The following PPP3CA variants were observed in gnomAD, a reference collection of about 807,000 sequenced individuals.
The protein encoded by PPP3CA is protein phosphatase 3 catalytic subunit alpha.
PPP3CA carries 14 observed loss-of-function variants against 66.5 expected under a neutral mutation model. The ratio of observed to expected loss-of-function variants is 0.21; its 90% CI spans 0.14 to 0.33. The LOEUF is 0.33. PPP3CA is among the 10% of genes least tolerant of loss of function. PPP3CA has a pLI of 1.00. For synonymous variants in PPP3CA, 232 were observed against 226.2 expected, an observed-to-expected ratio of 1.03 and a Z score of -0.23; for missense variants, 317 against 639.5, an observed-to-expected ratio of 0.50 and a Z score of 5.44.
chr4:101,163,458 A>G (rs2695220), intron 2 of PPP3CA, among the ~76,000 whole-genome samples: 29,487 of 152,144 alleles, frequency 0.19, 3,182 homozygotes, highest in Non-Finnish European at 0.24. Flanking sequence ...AGAGATCACA[A>G]AAGCATGTAG....
intron 1 of PPP3CA, among the ~76,000 whole-genome samples, chr4:101,294,551 G>A (rs1009306092): frequency 1.6e-5 from 2 of 127,358 alleles, no homozygotes; most frequent in Admixed American, 1.6e-4. Context: ...TTTATATTAA[G>A]GCCTATATTT....
At chr4:101,174,194 T>G (rs1307848420) in intron 2 of PPP3CA, among the ~76,000 whole-genome samples, 3 of 152,302 alleles carry the variant, frequency 2.0e-5, no homozygotes, top group African/African-American at 7.2e-5. Flanking sequence ...CAAAATCTTT[T>G]AATATACTAT....
At chr4:101,207,047 A>T (rs897483343) in intron 1 of PPP3CA, among the ~76,000 whole-genome samples, 4 of 151,854 alleles carry the variant, frequency 2.6e-5, no homozygotes, top group African/African-American at 9.7e-5. Context: ...AAGGGACAAG[A>T]AAAAAAAATT....
intron 1 of PPP3CA, among the ~76,000 whole-genome samples, chr4:101,344,970 G>T (rs1055306879): frequency 5.9e-5 from 9 of 152,066 alleles, no homozygotes; most frequent in African/African-American, 1.4e-4. Flanking sequence ...TCTGCAAAGG[G>T]TCTCAATTTT....
intron 3 of PPP3CA, 32 bp from the exon 4 acceptor site, chr4:101,099,754 T>C: frequency 1.7e-6 from 2 of 1,200,334 alleles, no homozygotes; most frequent in Admixed American, 2.6e-5. Context: ...TAAAAATAAA[T>C]ATTTTTCCTT....
intron 8 of PPP3CA, among the ~76,000 whole-genome samples, chr4:101,076,042 T>A (rs1040945349): frequency 6.6e-6 from 1 of 152,124 alleles, no homozygotes. Context: ...GGCAAATAAT[T>A]TTTTTAAAAA....
intron 2 of PPP3CA, among the ~76,000 whole-genome samples, chr4:101,156,744 T>C (rs1045120145): frequency 6.6e-6 from 1 of 152,040 alleles, no homozygotes; most frequent in Admixed American, 6.5e-5. Context: ...TTGGCTAGAT[T>C]TGAAAGGTTT....
In PPP3CA at chr4:101,189,525, T is replaced by C. The variant is rs190880845; in HGVS notation, c.259+6391A>G. Among the ~76,000 whole-genome samples the C allele has an allele frequency of 2.5e-3, 377 of 152,052 alleles. 2 individuals are homozygous for C. The highest frequency in any genetic ancestry group is 3.4e-3 in the Middle Eastern group (1 of 294). ...CATAGTTGAACTGCTTGGGATTTAA[T>C]CCCAATTCTGGCACTTCGTAGCTGG... On this transcript the variant is annotated intron_variant, in intron 2 of 13. Coordinates refer to ENST00000394854, the MANE Select transcript of PPP3CA (RefSeq NM_000944.5).
intron 1 of PPP3CA, among the ~76,000 whole-genome samples, chr4:101,240,041 G>T (rs889086099): frequency 1.0e-5 from 1 of 98,842 alleles, no homozygotes; most frequent in Non-Finnish European, 2.6e-5. Context: ...TTTTTTTTTG[G>T]GGGGAGCGGG....
At chr4:101,061,211 TTAAC>T (rs1728448255) in intron 9 of PPP3CA, 50 bp from the exon 10 acceptor site, 1 of 1,482,852 alleles carries the variant, frequency 6.7e-7, no homozygotes, top group Non-Finnish European at 9.4e-7. Context: ...TGTTATAACC[TTAAC>T]TATTACTCTG....
chr4:101,196,255 G>T (rs1185004229), intron 1 of PPP3CA, 139 bp from the exon 2 acceptor site: 33 of 773,064 alleles, frequency 4.3e-5, no homozygotes, highest in Non-Finnish European at 6.3e-5. Flanking sequence ...ATATGATCAA[G>T]GGCTATCTAT....
At chr4:101,194,843 A>G (rs962416670) in intron 2 of PPP3CA, among the ~76,000 whole-genome samples, 1 of 152,138 alleles carries the variant, frequency 6.6e-6, no homozygotes, top group African/African-American at 2.4e-5. Context: ...CTGGGATTAT[A>G]AGAGTTAGCC....
intron 7 of PPP3CA, among the ~76,000 whole-genome samples, chr4:101,082,558 A>G (rs557552676): frequency 1.8e-4 from 28 of 152,244 alleles, no homozygotes; most frequent in Admixed American, 3.9e-4. Context: ...ATATACTATT[A>G]AAGTGAACAT....
chr4:101,157,888 A>AAC (rs1553929413), intron 2 of PPP3CA, among the ~76,000 whole-genome samples: 34 of 151,272 alleles, frequency 2.2e-4, no homozygotes, highest in African/African-American at 8.0e-4. Flanking sequence ...AAAAAAAAAA[A>AAC]ACCTCTCAGT....
intron 2 of PPP3CA, among the ~76,000 whole-genome samples, chr4:101,134,467 C>A (rs1722551426): frequency 6.6e-6 from 1 of 152,000 alleles, no homozygotes; most frequent in South Asian, 2.1e-4. Context: ...ATTTATGTGG[C>A]CAACAAACAA....
chr4:101,290,522 G>C (rs1020676435), intron 1 of PPP3CA, among the ~76,000 whole-genome samples: 3 of 152,138 alleles, frequency 2.0e-5, no homozygotes, highest in African/African-American at 7.2e-5. Context: ...TCAGAATCTT[G>C]TTTCTTTTTC....
intron 2 of PPP3CA, among the ~76,000 whole-genome samples, chr4:101,156,872 G>A (rs2110303347): frequency 6.6e-6 from 1 of 152,234 alleles, no homozygotes; most frequent in Middle Eastern, 3.4e-3. Flanking sequence ...TTTTTAAACA[G>A]GAAATGAGGA....
intron 1 of PPP3CA, among the ~76,000 whole-genome samples, chr4:101,271,686 C>T (rs1727340501): frequency 6.6e-6 from 1 of 152,180 alleles, no homozygotes. Flanking sequence ...CTTTAGGAAT[C>T]ATTCCTCTTC....
intron 2 of PPP3CA, among the ~76,000 whole-genome samples, chr4:101,144,169 C>T (rs1722894274): frequency 6.6e-6 from 1 of 152,164 alleles, no homozygotes. Flanking sequence ...CTGCCTTCAG[C>T]CTTGCTCCCT....
Sources: allele counts gnomAD v4.1 joint callset (sites outside exome capture counted in the v4.1 genomes callset), GRCh38; gene constraint gnomAD v4.1.1; transcripts MANE v1.5; gene names NCBI Gene and HGNC (gene_info 2026-07-23, HGNC 2026-07-21).